DOK5: variants seen among roughly 807,000 people sequenced by gnomAD.
DOK5 encodes docking protein 5.
Under a neutral mutation model 43.3 loss-of-function variants are expected in DOK5, and 27 were observed. The ratio of observed to expected loss-of-function variants is 0.62; its 90% CI spans 0.46 to 0.86. The LOEUF (loss-of-function observed/expected upper bound fraction) is 0.86. Ranked by LOEUF, DOK5 falls within the 40% of genes least tolerant of loss-of-function variation. DOK5 has a pLI of 0.00. For missense variants in DOK5, 373 were observed against 392.9 expected, an observed-to-expected ratio of 0.95 and a Z score of 0.43; for synonymous variants, 146 against 140.1, an observed-to-expected ratio of 1.04 and a Z score of -0.30.
chr20:54,481,419 C>T (rs912479798), intron 1 of DOK5, among the ~76,000 whole-genome samples: 24 of 152,162 alleles, frequency 1.6e-4, no homozygotes, highest in African/African-American at 5.3e-4. Context: ...CCACAAGCCT[C>T]GGCCTCCTAA....
intron 4 of DOK5, among the ~76,000 whole-genome samples, chr20:54,589,915 C>T (rs1985928926): frequency 1.3e-5 from 2 of 152,058 alleles, no homozygotes; most frequent in Admixed American, 6.6e-5. Context: ...GAAAATTGAG[C>T]TACAGAGAGG....
At chr20:54,529,557 C>A (rs1261426867) in intron 1 of DOK5, among the ~76,000 whole-genome samples, 1 of 151,936 alleles carries the variant, frequency 6.6e-6, no homozygotes, top group African/African-American at 2.4e-5. Flanking sequence ...AAAAAAACAG[C>A]ATTATTGGGA....
Position 54,515,213 on chromosome 20 carries a change from A to G in DOK5, c.66+39201A>G, listed in dbSNP as rs1234712321. Among the ~76,000 whole-genome samples, 4 of 151,988 alleles carry G rather than the reference A, an allele frequency of 2.6e-5. No individual in the cohort carries two copies. The East Asian group carries it at 7.7e-4, about 29-fold the overall frequency. ...TTTTAGTAGATACGGGGGTTTCACT[A>G]TGTTGGCCAGGCTGGTCTTGAATTC... On this transcript the variant is annotated intron_variant, in intron 1 of 7. Coordinates refer to ENST00000262593, the MANE Select transcript of DOK5 (RefSeq NM_018431.5).
chr20:54,629,699 C>A (rs1978474599), intron 6 of DOK5, among the ~76,000 whole-genome samples: 3 of 152,102 alleles, frequency 2.0e-5, no homozygotes, highest in Non-Finnish European at 4.4e-5. Flanking sequence ...AATCAACAAT[C>A]AATATATAAA....
chr20:54,610,362 A>G, intron 5 of DOK5, 26 bp from the exon 6 acceptor site: 2 of 1,488,394 alleles, frequency 1.3e-6, no homozygotes. Context: ...GGATTTTCAG[A>G]AGCTGTTTTG....
intron 2 of DOK5, among the ~76,000 whole-genome samples, chr20:54,584,063 T>C (rs1985722363): frequency 1.3e-5 from 2 of 151,876 alleles, no homozygotes; most frequent in Non-Finnish European, 2.9e-5. Flanking sequence ...GGCAGGAGAA[T>C]TGCTTGAACC....
intron 5 of DOK5, among the ~76,000 whole-genome samples, chr20:54,606,706 C>T (rs1006697655): frequency 2.0e-5 from 3 of 151,992 alleles, no homozygotes; most frequent in Non-Finnish European, 4.4e-5. Flanking sequence ...CCAAACACAT[C>T]AATTAGGAGG....
chr20:54,633,084 AAAC>A lies in DOK5; in HGVS notation c.736-10371_736-10369del, dbSNP rs1452420485. ...AAAACTCCATCTCAAAAACAAAACA[AAAC>A]AAAACAAAAAACAAAAAAAACAAAT... On this transcript the variant is annotated intron_variant, in intron 6 of 7. Coordinates refer to ENST00000262593, the MANE Select transcript of DOK5 (RefSeq NM_018431.5). Among the ~76,000 whole-genome samples the A allele has an allele frequency of 4.5e-3, 567 of 125,092 alleles. 1 individual carries two copies. Among genetic ancestry groups the A allele is most frequent in the African/African-American group, 0.025 (533 of 20,974 alleles). The allele number at this position is 125,092 out of a possible 152,430, so 82.1% of individuals were successfully genotyped here. A position where few individuals can be genotyped will look rare whatever the true frequency, so the allele number is the denominator to read the frequency against.
intron 7 of DOK5, 149 bp from the exon 8 acceptor site, chr20:54,650,266 C>T (rs550694391): frequency 2.7e-5 from 18 of 655,742 alleles, no homozygotes; most frequent in Non-Finnish European, 3.7e-5. Flanking sequence ...CTCTGTGACT[C>T]ATTTACATAT....
intron 1 of DOK5, among the ~76,000 whole-genome samples, chr20:54,519,719 T>C (rs1031202515): frequency 1.3e-5 from 2 of 152,362 alleles, no homozygotes; most frequent in African/African-American, 4.8e-5. Flanking sequence ...TTAAATATGA[T>C]GCCATACAAA....
chr20:54,615,370 G>A (rs1382099175), intron 6 of DOK5, among the ~76,000 whole-genome samples: 1 of 152,184 alleles, frequency 6.6e-6, no homozygotes, highest in Non-Finnish European at 1.5e-5. Context: ...TTGCAGGTGT[G>A]ATCGAGTTAA....
intron 5 of DOK5, among the ~76,000 whole-genome samples, chr20:54,600,437 A>G (rs2146781184): frequency 6.6e-6 from 1 of 152,266 alleles, no homozygotes; most frequent in African/African-American, 2.4e-5. Flanking sequence ...AATGACTCCC[A>G]GAACTCACCA....
At chr20:54,543,641 T>C (rs896650830) in intron 1 of DOK5, among the ~76,000 whole-genome samples, 6 of 151,830 alleles carry the variant, frequency 4.0e-5, no homozygotes, top group African/African-American at 9.7e-5. Flanking sequence ...GAGGATTACG[T>C]ATAGCTCAAA....
intron 1 of DOK5, among the ~76,000 whole-genome samples, chr20:54,503,321 T>A (rs6014038): frequency 0.088 from 13,389 of 152,218 alleles, 2,012 homozygotes; most frequent in African/African-American, 0.31. Flanking sequence ...TGGATTTTTT[T>A]AAAAAATAAT....
intron 1 of DOK5, among the ~76,000 whole-genome samples, chr20:54,481,040 A>ATCTATCATCTG (rs1915347783): frequency 5.9e-4 from 72 of 122,936 alleles, no homozygotes; most frequent in African/African-American, 2.8e-3. Context: ...TCTATCATCT[A>ATCTATCATCTG]TCTATCATCT....
chr20:54,553,493 C>A (rs1984601027), intron 1 of DOK5, among the ~76,000 whole-genome samples: 1 of 151,814 alleles, frequency 6.6e-6, no homozygotes. Context: ...CCGCGCCCGG[C>A]CTGATTTCTA....
At chr20:54,504,804 A>G (rs1399878307) in intron 1 of DOK5, among the ~76,000 whole-genome samples, 1 of 152,216 alleles carries the variant, frequency 6.6e-6, no homozygotes, top group Non-Finnish European at 1.5e-5. Context: ...TGTGCATCAA[A>G]GGCTTGTTGG....
intron 1 of DOK5, among the ~76,000 whole-genome samples, chr20:54,479,986 C>T (rs1342719499): frequency 6.6e-6 from 1 of 152,092 alleles, no homozygotes; most frequent in Non-Finnish European, 1.5e-5. Context: ...CTATCCACTG[C>T]TACGACCCTG....
rs1011871917 is a variant in DOK5 at position 54,513,462 on chromosome 20, CAA to C, written c.66+37475_66+37476del. On this transcript the variant is annotated intron_variant, in intron 1 of 7. Coordinates refer to ENST00000262593, the MANE Select transcript of DOK5 (RefSeq NM_018431.5). ...GCTTGTTTGCTTTAAATACTCTGAG[CAA>C]AAAAAAAAAAAAAAAAAAAAAAAAC... is the stretch of plus-strand genomic sequence containing the variant. Among the ~76,000 whole-genome samples the C allele has an allele frequency of 2.1e-3, 51 of 24,610 alleles. 1 individual carries two copies. The highest frequency in any genetic ancestry group is 2.8e-3 in the Non-Finnish European group (28 of 10,106). The allele number at this position is 24,610 out of a possible 152,430, so 16.1% of individuals were successfully genotyped here.
Sources: allele counts gnomAD v4.1 joint callset (sites outside exome capture counted in the v4.1 genomes callset), GRCh38; gene constraint gnomAD v4.1.1; transcripts MANE v1.5; gene names NCBI Gene and HGNC (gene_info 2026-07-23, HGNC 2026-07-21).